The following KIRREL1 variants were observed in gnomAD, a reference collection of about 807,000 sequenced individuals.
KIRREL1 encodes kirre like nephrin family adhesion molecule 1.
Under a neutral mutation model 83.3 loss-of-function variants are expected in KIRREL1, and 25 were observed. The ratio of observed to expected loss-of-function variants is 0.30; its 90% confidence interval spans 0.22 to 0.42. The LOEUF is 0.42. Among genes scored for constraint, KIRREL1 ranks in the 10% least tolerant of loss-of-function variants. The pLI is 1.00. For synonymous variants in KIRREL1, 388 were observed against 410.4 expected (o/e 0.95, Z 0.66); for missense variants, 812 against 1,032.3 (o/e 0.79, Z 2.92).
chr1:158,048,563 C>T (rs1041978278), intron 1 of KIRREL1, among the ~76,000 whole-genome samples: 3 of 152,194 alleles, frequency 2.0e-5, no homozygotes, highest in Non-Finnish European at 4.4e-5. Context: ...AATTACAGAA[C>T]ATCAAAGTTG....
At chr1:158,052,518 G>C (rs1213208594) in intron 1 of KIRREL1, among the ~76,000 whole-genome samples, 1 of 151,970 alleles carries the variant, frequency 6.6e-6, no homozygotes, top group Non-Finnish European at 1.5e-5. Context: ...GGTGGCTCAC[G>C]CCTGTAATCC....
At chr1:158,081,527 T>A (rs1023497375) in intron 3 of KIRREL1, among the ~76,000 whole-genome samples, 1 of 152,164 alleles carries the variant, frequency 6.6e-6, no homozygotes, top group Non-Finnish European at 1.5e-5. Context: ...ACAAGGAGAC[T>A]GAGGCTTTTT....
At chr1:158,058,042 G>A (rs1221417577) in intron 1 of KIRREL1, among the ~76,000 whole-genome samples, 2 of 152,188 alleles carry the variant, frequency 1.3e-5, no homozygotes, top group South Asian at 4.1e-4. Flanking sequence ...TTGGGGGCTT[G>A]CGATTTTCTG....
intron 1 of KIRREL1, among the ~76,000 whole-genome samples, chr1:158,014,224 A>T (rs1384904996): frequency 1.3e-5 from 2 of 151,512 alleles, no homozygotes; most frequent in Admixed American, 1.3e-4. Context: ...AAAAGGAGGG[A>T]GGAGGGGGAG....
intron 1 of KIRREL1, among the ~76,000 whole-genome samples, chr1:157,998,128 C>T (rs1286398936): frequency 1.3e-5 from 2 of 152,170 alleles, no homozygotes. Flanking sequence ...TCTCGGCTTC[C>T]CAAAGTGCCG....
chr1:158,064,051 G>A (rs939506301), intron 1 of KIRREL1, among the ~76,000 whole-genome samples: 21 of 152,196 alleles, frequency 1.4e-4, no homozygotes, highest in Admixed American at 1.0e-3. Flanking sequence ...TCTGGAGGGT[G>A]GTGTTTTATA....
intron 1 of KIRREL1, among the ~76,000 whole-genome samples, chr1:158,060,850 G>A (rs189519977): frequency 3.4e-4 from 51 of 152,234 alleles, no homozygotes; most frequent in East Asian, 3.3e-3. Context: ...CTCCGGTGCC[G>A]TCTCCTAGCC....
chr1:158,009,925 A>G (rs891259730), intron 1 of KIRREL1, among the ~76,000 whole-genome samples: 1 of 152,214 alleles, frequency 6.6e-6, no homozygotes, highest in African/African-American at 2.4e-5. Context: ...AGGAACATCT[A>G]TATTCAGGAG....
rs1188066726 is a variant in KIRREL1 at position 158,094,581 on chromosome 1, G to A, written c.1798-63G>A. ...GGAGGAAGAGGCCCAGAAAGCCATG[G>A]TGAGACTTGATCCCCACCCAAGAGG... On this transcript the variant is annotated intron_variant, in intron 14 of 14. Coordinates refer to ENST00000359209, the MANE Select transcript of KIRREL1 (RefSeq NM_018240.7). This position sits in a 1 kb window ranked among gnomAD's most constrained non-coding sequence, Gnocchi z 4.6. The A allele has an allele frequency of 5.0e-6, 7 of 1,406,764 alleles. No homozygotes were observed. The highest frequency in any genetic ancestry group is 6.9e-6 in the Non-Finnish European group (7 of 1,012,820). The allele number at this position is 1,406,764 out of a possible 1,614,324, so 87.1% of individuals were successfully genotyped here.
chr1:158,005,286 G>A (rs896990973), intron 1 of KIRREL1, among the ~76,000 whole-genome samples: 15 of 152,298 alleles, frequency 9.8e-5, no homozygotes, highest in Admixed American at 3.3e-4. Flanking sequence ...CAGCCCTGAT[G>A]GATCATTGAT....
In KIRREL1 at chr1:158,076,229, G is replaced by A. The variant is rs752022419; in HGVS notation, c.169G>A (p.Gly57Arg). The part of the protein sequence containing the change: ...YSGIVQWTKD[G>R]LALGMGQGLK... The stretch of plus-strand genomic sequence containing the variant: ...TGGAATTGTGCAATGGACCAAGGAC[G>A]GGCTGGCCCTGGGCATGGGCCAGGG... The change falls in exon 2 of 15, where the codon GGG becomes AGG. Residue 57 changes from glycine to arginine, a missense_variant. By Grantham distance (125) the Gly-to-Arg change is moderately radical. Transcript: ENST00000359209. 1.9e-6 allele frequency: 3 copies of A among 1,614,140 alleles called. No homozygotes were observed. The highest frequency in any genetic ancestry group is 8.5e-7 in the Non-Finnish European group (1 of 1,179,988).
rs375833365 is a variant in KIRREL1, at chr1:158,035,742, A to C, written c.53-40371A>C. On this transcript the variant is annotated intron_variant, in intron 1 of 14. Transcript: ENST00000359209. ...GTCGGGGCTTTAAAGAACCACTTTG[A>C]TGGAGACAGGCCATGCCCCTGCTAT... is the stretch of plus-strand genomic sequence containing the variant. 1.3e-4 allele frequency among the ~76,000 whole-genome samples: 20 copies of C among 152,238 alleles called. No individual in the cohort carries two copies. The East Asian group carries it at 1.7e-3, about 13-fold the overall frequency.
At chr1:158,030,884 T>C (rs939060304) in intron 1 of KIRREL1, 1 of 152,208 alleles carries the variant, frequency 6.6e-6, no homozygotes, top group African/African-American at 2.4e-5. Flanking sequence ...TGCTGACTCA[T>C]GTTGCACTGA....
intron 1 of KIRREL1, among the ~76,000 whole-genome samples, chr1:158,016,287 G>C (rs1184905514): frequency 7.3e-6 from 1 of 137,574 alleles, no homozygotes; most frequent in African/African-American, 2.7e-5. Flanking sequence ...CTGGGGGACA[G>C]AGCGAGACTC....
chr1:158,029,366 T>TGTGCGC (rs1553238087), intron 1 of KIRREL1, among the ~76,000 whole-genome samples: 6 of 149,028 alleles, frequency 4.0e-5, no homozygotes, highest in African/African-American at 1.5e-4. Flanking sequence ...TGTGTGTGTG[T>TGTGCGC]GCACGTGCGC....
At chr1:158,064,544 G>C (rs936460081) in intron 1 of KIRREL1, among the ~76,000 whole-genome samples, 5 of 152,186 alleles carry the variant, frequency 3.3e-5, no homozygotes, top group Non-Finnish European at 7.3e-5. Flanking sequence ...GAGCCCTCCG[G>C]AGCATTGCTG....
intron 3 of KIRREL1, among the ~76,000 whole-genome samples, chr1:158,078,916 C>T (rs1342094574): frequency 1.3e-5 from 2 of 152,150 alleles, no homozygotes; most frequent in African/African-American, 4.8e-5. Context: ...GCAGCAGTGC[C>T]ACAGAACCGG....
intron 1 of KIRREL1, among the ~76,000 whole-genome samples, chr1:158,036,912 C>T (rs543570132): frequency 6.6e-6 from 1 of 152,302 alleles, no homozygotes; most frequent in African/African-American, 2.4e-5. Flanking sequence ...GGGCTGTGGG[C>T]TTTAATCAGC....
At chr1:158,072,853 A>G (rs549780697) in intron 1 of KIRREL1, among the ~76,000 whole-genome samples, 38 of 131,630 alleles carry the variant, frequency 2.9e-4, no homozygotes, top group Non-Finnish European at 5.2e-4. Flanking sequence ...CAGGCCTCGG[A>G]CAGGGCATGG....
Sources: gnomAD v4.1 joint callset for allele counts (sites outside exome capture counted in the v4.1 genomes callset) on GRCh38, gnomAD v4.1.1 for gene constraint, Gnocchi (gnomAD v3.1) non-coding constraint, MANE v1.5 for transcripts, NCBI Gene and HGNC (gene_info 2026-07-23, HGNC 2026-07-21) for gene names.